Variants in CYP19A1 observed in about 807,000 individuals in gnomAD.
The protein encoded by CYP19A1 is aromatase.
CYP19A1 carries 32 observed loss-of-function variants against 44.4 expected under a neutral mutation model. The observed-to-expected ratio is 0.72, with a 90% CI of 0.54 to 0.97. The LOEUF is 0.97. Ranked by LOEUF, CYP19A1 falls within the 50% of genes least tolerant of loss-of-function variation. The probability of loss-of-function intolerance (pLI) is 0.00; values close to 1 mark genes in which losing one functional copy is unlikely to be tolerated. For missense variants in CYP19A1, 598 were observed against 637.8 expected (o/e 0.94, Z 0.67); for synonymous variants, 212 against 215.6 (o/e 0.98, Z 0.14).
At chr15:51,280,902 G>A (rs2035496216) in intron 1 of CYP19A1, among the ~76,000 whole-genome samples, 1 of 152,180 alleles carries the variant, frequency 6.6e-6, no homozygotes, top group South Asian at 2.1e-4. Flanking sequence ...GCCCACATGA[G>A]CTCCATATTC....
intron 3 of CYP19A1, among the ~76,000 whole-genome samples, chr15:51,232,487 C>T (rs907001207): frequency 1.3e-5 from 2 of 152,176 alleles, no homozygotes; most frequent in Non-Finnish European, 2.9e-5. Flanking sequence ...TCAGTTCTCT[C>T]TACTCAATCA....
intron 1 of CYP19A1, among the ~76,000 whole-genome samples, chr15:51,330,311 G>A (rs1425682955): frequency 6.6e-6 from 1 of 152,152 alleles, no homozygotes. Context: ...TCGTTGAGGT[G>A]TGTTGTGGAC....
At chr15:51,219,497 T>C (rs2031885480) in intron 5 of CYP19A1, among the ~76,000 whole-genome samples, 1 of 152,240 alleles carries the variant, frequency 6.6e-6, no homozygotes, top group African/African-American at 2.4e-5. Context: ...GTCATCCTTT[T>C]GCAGTGGAAG....
intron 1 of CYP19A1, among the ~76,000 whole-genome samples, chr15:51,324,746 G>A (rs1428251986): frequency 1.3e-5 from 2 of 152,230 alleles, no homozygotes; most frequent in Non-Finnish European, 2.9e-5. Flanking sequence ...GACAGGTAGA[G>A]TAAATGTTAA....
At chr15:51,323,355 A>C (rs1263287270) in intron 1 of CYP19A1, among the ~76,000 whole-genome samples, 1 of 152,250 alleles carries the variant, frequency 6.6e-6, no homozygotes, top group Non-Finnish European at 1.5e-5. Flanking sequence ...GATGTCCTAT[A>C]GAAGGAAAAA....
intron 5 of CYP19A1, chr15:51,221,284 TTACTACCTTATGCACAGAC>T (rs1451709962): frequency 2.0e-5 from 3 of 152,198 alleles, no homozygotes; most frequent in Non-Finnish European, 4.4e-5. Context: ...TGTACATGTA[TTACTACCTTATGCACAGAC>T]TACTAAAATG....
chr15:51,227,543 A>G (rs2032681745), intron 4 of CYP19A1, among the ~76,000 whole-genome samples: 1 of 151,824 alleles, frequency 6.6e-6, no homozygotes, highest in Non-Finnish European at 1.5e-5. Flanking sequence ...GGTGGTGCAC[A>G]TCTGTAGTCC....
chr15:51,213,492 C>T (rs187994477), intron 8 of CYP19A1, among the ~76,000 whole-genome samples: 1 of 152,230 alleles, frequency 6.6e-6, no homozygotes, highest in Non-Finnish European at 1.5e-5. Context: ...ACATACTGCC[C>T]TTGGCACACT....
chr15:51,230,843 A>G (rs1427497544), intron 3 of CYP19A1, among the ~76,000 whole-genome samples: 2 of 152,096 alleles, frequency 1.3e-5, no homozygotes, highest in African/African-American at 4.8e-5. Context: ...GCTGGTCTCA[A>G]ACTCTTGACT....
At chr15:51,235,322 G>A (rs542455464) in intron 3 of CYP19A1, among the ~76,000 whole-genome samples, 9 of 152,160 alleles carry the variant, frequency 5.9e-5, no homozygotes, top group African/African-American at 2.2e-4. Context: ...CACGGATCGC[G>A]GGTCCTACCC....
rs886051272 is a variant in CYP19A1 at position 51,208,776 on chromosome 15, C to T, written c.*2032G>A. 4 of 136,608 alleles carry T rather than the reference C, an allele frequency of 2.9e-5. No homozygotes were observed. The highest frequency in any genetic ancestry group is 1.1e-4 in the African/African-American group (4 of 37,684). 8.5% of individuals were successfully genotyped at this position (136,608 alleles called of 1,614,324 possible). A position where few individuals can be genotyped will look rare whatever the true frequency, so the allele number is the denominator to read the frequency against. The stretch of plus-strand genomic sequence containing the variant: ...CTCCCACCCCCCACCCTTCCACTCC[C>T]AGTTTTCCCCCAGGATATTTTTGTA... On this transcript the variant is annotated 3_prime_UTR_variant, in exon 10 of 10. Transcript: ENST00000396402.
intron 1 of CYP19A1, among the ~76,000 whole-genome samples, chr15:51,301,460 A>C (rs1213405321): frequency 1.4e-4 from 22 of 152,200 alleles, no homozygotes; most frequent in Admixed American, 1.4e-3. Flanking sequence ...TCCTTCTGCC[A>C]AGGCAAGTAC....
At chr15:51,259,568 G>A (rs958867338) in intron 1 of CYP19A1, among the ~76,000 whole-genome samples, 2 of 152,168 alleles carry the variant, frequency 1.3e-5, no homozygotes, top group African/African-American at 2.4e-5. Flanking sequence ...GGGGAAGGGA[G>A]GGTGAAGATG....
chr15:51,258,802 G>T (rs1272000106), intron 1 of CYP19A1, among the ~76,000 whole-genome samples: 1 of 152,238 alleles, frequency 6.6e-6, no homozygotes. Flanking sequence ...GAGTCTTTTA[G>T]AGAAGACTTT....
rs549184892 is a variant in CYP19A1, at chr15:51,259,589, A to G, written c.-38-16639T>C. Among the ~76,000 whole-genome samples, 230 of 152,338 alleles carry G rather than the reference A, an allele frequency of 1.5e-3. 1 individual carries two copies. The highest frequency in any genetic ancestry group is 5.3e-3 in the African/African-American group (219 of 41,566). On this transcript the variant is annotated intron_variant, in intron 1 of 9. Coordinates refer to ENST00000396402, the MANE Select transcript of CYP19A1 (RefSeq NM_000103.4). ...GGGAGGGTGAAGATGGCATAGTCTT[A>G]TCAGGGCTGAAGAAACCAGGCATGG...
At chr15:51,277,820 G>T (rs924177397) in intron 1 of CYP19A1, among the ~76,000 whole-genome samples, 5 of 151,484 alleles carry the variant, frequency 3.3e-5, no homozygotes, top group South Asian at 2.1e-4. Flanking sequence ...CAAATATCAC[G>T]TTTTTTTAAA....
intron 3 of CYP19A1, among the ~76,000 whole-genome samples, chr15:51,231,580 C>G (rs2033036130): frequency 6.6e-6 from 1 of 151,860 alleles, no homozygotes; most frequent in African/African-American, 2.4e-5. Flanking sequence ...GTGCTTGCAC[C>G]TGGCAGTTGA....
At chr15:51,261,099 C>T (rs1321636434) in intron 1 of CYP19A1, among the ~76,000 whole-genome samples, 2 of 152,196 alleles carry the variant, frequency 1.3e-5, no homozygotes, top group African/African-American at 2.4e-5. Context: ...TAGAGGCTCG[C>T]CATTGTTCCT....
intron 1 of CYP19A1, among the ~76,000 whole-genome samples, chr15:51,288,658 A>G: frequency 6.6e-6 from 1 of 152,170 alleles, no homozygotes; most frequent in East Asian, 1.9e-4. Flanking sequence ...CCTAAAAATC[A>G]GAGTCCAGAT....
Sources: gnomAD v4.1 joint callset for allele counts (sites outside exome capture counted in the v4.1 genomes callset) on GRCh38, gnomAD v4.1.1 for gene constraint, MANE v1.5 for transcripts, NCBI Gene and HGNC (gene_info 2026-07-23, HGNC 2026-07-21) for gene names.